VPS45: variants seen among roughly 807,000 people sequenced by gnomAD.
The protein encoded by VPS45 is vacuolar protein sorting-associated protein 45.
In VPS45, 35 loss-of-function variants were observed where a neutral mutation model predicts 75.9. That is an observed-to-expected ratio of 0.46 (90% CI 0.35 to 0.61). The LOEUF (loss-of-function observed/expected upper bound fraction) is 0.61, where lower values mean the gene tolerates loss of function less well. Ranked by LOEUF, VPS45 falls within the 20% of genes least tolerant of loss-of-function variation. The pLI is 0.00. For missense variants in VPS45, 559 were observed against 685.9 expected, an observed-to-expected ratio of 0.81 and a Z score of 2.07; for synonymous variants, 220 against 238.2, an observed-to-expected ratio of 0.92 and a Z score of 0.70.
chr1:150,081,257 G>A (rs1655684554), intron 7 of VPS45, 85 bp from the exon 8 acceptor site: 2 of 1,319,658 alleles, frequency 1.5e-6, no homozygotes, highest in Middle Eastern at 2.0e-4. Flanking sequence ...GTTAAAGAAT[G>A]TTATCAGTTT....
intron 14 of VPS45, among the ~76,000 whole-genome samples, chr1:150,137,913 T>C (rs1659194898): frequency 1.6e-4 from 1 of 6,162 alleles, no homozygotes; most frequent in African/African-American, 4.0e-4. Flanking sequence ...AGACTCCGTC[T>C]CCAAAAAAAA....
At chr1:150,126,284 C>A (rs1658514593) in intron 14 of VPS45, among the ~76,000 whole-genome samples, 1 of 151,974 alleles carries the variant, frequency 6.6e-6, no homozygotes, top group Admixed American at 6.6e-5. Flanking sequence ...CATCTCGGCT[C>A]ACTGCAAGCT....
At chr1:150,115,759 A>G (rs1012890746) in intron 14 of VPS45, among the ~76,000 whole-genome samples, 29 of 152,138 alleles carry the variant, frequency 1.9e-4, no homozygotes, top group African/African-American at 7.0e-4. Flanking sequence ...GTGCAGATAG[A>G]TTTTTTTAGT....
At position 150,113,560 on chromosome 1, in the gene VPS45, G is replaced by T. The variant is rs587634131; in HGVS notation, c.1625+2933G>T. Among the ~76,000 whole-genome samples, 101 of 152,192 alleles carry T rather than the reference G, an allele frequency of 6.6e-4. 5 individuals carry two copies. The South Asian group carries it at 0.021, about 31-fold the overall frequency. ...ATTCATTATTATGACTTCTGTCACC[G>T]TAGATTAGTTTTACCTGTTCTTAAA... is the stretch of plus-strand genomic sequence containing the variant. On this transcript the variant is annotated intron_variant, in intron 14 of 14. Coordinates refer to ENST00000644510, the MANE Select transcript of VPS45 (RefSeq NM_007259.5).
intron 2 of VPS45, among the ~76,000 whole-genome samples, chr1:150,070,074 C>T (rs1553796749): frequency 1.3e-5 from 2 of 152,162 alleles, no homozygotes; most frequent in African/African-American, 4.8e-5. Context: ...GCATAGTCTT[C>T]TTCCTCTGCC....
At chr1:150,084,851 T>C (rs1553800360) in intron 10 of VPS45, among the ~76,000 whole-genome samples, 2 of 152,150 alleles carry the variant, frequency 1.3e-5, no homozygotes, top group Non-Finnish European at 2.9e-5. Context: ...TTCAATGAGA[T>C]ATGTAAAATG....
At chr1:150,127,047 A>T (rs1345868992) in intron 14 of VPS45, among the ~76,000 whole-genome samples, 3 of 152,238 alleles carry the variant, frequency 2.0e-5, no homozygotes, top group African/African-American at 7.2e-5. Flanking sequence ...GGGCTATTAC[A>T]ATTCCTAAAG....
intron 13 of VPS45, among the ~76,000 whole-genome samples, chr1:150,103,942 C>T (rs181845085): frequency 1.3e-5 from 2 of 152,216 alleles, no homozygotes; most frequent in Admixed American, 6.5e-5. Flanking sequence ...AAATAATCTG[C>T]AATTCATTTA....
intron 2 of VPS45, among the ~76,000 whole-genome samples, chr1:150,070,012 A>G (rs10888570): frequency 0.015 from 2,354 of 151,978 alleles, 60 homozygotes; most frequent in African/African-American, 0.054. Context: ...TAATCACCCT[A>G]TGTATATCAA....
In VPS45 at chr1:150,102,547, C is replaced by CAAA. The variant is rs782571283; in HGVS notation, c.1494-7938_1494-7936dup. The stretch of plus-strand genomic sequence containing the variant: ...CTGGGCAATGAACGAAACTCTGTCT[C>CAAA]AAAAAAAAAAAAAGACACGTGCACA... On this transcript the variant is annotated intron_variant, in intron 13 of 14. Coordinates refer to ENST00000644510, the MANE Select transcript of VPS45 (RefSeq NM_007259.5). Among the ~76,000 whole-genome samples the CAAA allele has an allele frequency of 1.8e-3, 263 of 142,980 alleles. 3 individuals carry two copies. The highest frequency in any genetic ancestry group is 3.2e-3 in the African/African-American group (122 of 38,636). 93.8% of individuals were successfully genotyped at this position (142,980 alleles called of 152,430 possible).
intron 10 of VPS45, among the ~76,000 whole-genome samples, chr1:150,086,365 C>A (rs1656014620): frequency 6.6e-6 from 1 of 152,110 alleles, no homozygotes; most frequent in African/African-American, 2.4e-5. Flanking sequence ...GAAATATTAA[C>A]TACCAACATT....
At chr1:150,111,544 A>G (rs1559929042) in intron 14 of VPS45, among the ~76,000 whole-genome samples, 1 of 152,192 alleles carries the variant, frequency 6.6e-6, no homozygotes, top group Non-Finnish European at 1.5e-5. Context: ...TTAATTTGGC[A>G]GCTAAAGGTA....
chr1:150,119,581 C>T (rs1658122339), intron 14 of VPS45, among the ~76,000 whole-genome samples: 1 of 152,172 alleles, frequency 6.6e-6, no homozygotes, highest in Non-Finnish European at 1.5e-5. Flanking sequence ...CGATATTGCT[C>T]TCCTTTTACA....
chr1:150,121,017 G>A (rs764825456), intron 14 of VPS45, among the ~76,000 whole-genome samples: 1 of 151,826 alleles, frequency 6.6e-6, no homozygotes, highest in Non-Finnish European at 1.5e-5. Context: ...ACAGGTGCCC[G>A]CCACCGCGCC....
chr1:150,103,825 G>A (rs1447498310), intron 13 of VPS45, among the ~76,000 whole-genome samples: 1 of 152,144 alleles, frequency 6.6e-6, no homozygotes, highest in Non-Finnish European at 1.5e-5. Context: ...TGACTTATCA[G>A]ATCAGAAGCT....
Position 150,067,937 on chromosome 1 carries a change from T to C in VPS45, c.80T>C (p.Met27Thr), listed in dbSNP as rs368469891. ...GGGCCTGGTATGAAAGTACTTCTCATGGATAAAGAGACGGTGAGTTTGCTT... is the reference window on the plus strand; with the variant it reads ...GGGCCTGGTATGAAAGTACTTCTCACGGATAAAGAGACGGTGAGTTTGCTT... ...DSGPGMKVLL[M>T]DKETTGIVSM... Residue 27 changes from methionine to threonine, a missense_variant, in exon 1 of 15, where the codon ATG (methionine) becomes ACG (threonine). Transcript: ENST00000644510. 2 of 1,614,072 alleles carry C rather than the reference T, an allele frequency of 1.2e-6. No individual in the cohort carries two copies. The highest frequency in any genetic ancestry group is 1.3e-5 in the African/African-American group (1 of 74,932).
chr1:150,069,692 A>G (rs587685260), intron 2 of VPS45, among the ~76,000 whole-genome samples: 4 of 152,076 alleles, frequency 2.6e-5, no homozygotes, highest in African/African-American at 9.6e-5. Context: ...TCCTGACCTC[A>G]TGATCCGCCC....
rs1553797199 is a variant in VPS45 at position 150,072,192 on chromosome 1, G to T, written c.255G>T (p.Glu85Asp). The T allele has an allele frequency of 1.2e-6, 2 of 1,607,526 alleles. No individual in the cohort carries two copies. Among genetic ancestry groups the T allele is most frequent in the South Asian group, 1.1e-5 (1 of 90,136 alleles). ...TKENVDYIIQ[E>D]LRRPKYTIYF... ...AGAATGTGGATTATATTATTCAGGA[G>T]CTCCGAAGACCCAAATACACTATAT... Residue 85 changes from glutamate to aspartate, a missense_variant, in exon 3 of 15, where the codon GAG (glutamate) becomes GAT (aspartate). By Grantham distance (45) the Glu-to-Asp change is conservative. Transcript: ENST00000644510.
At chr1:150,122,714 A>G (rs1458865413) in intron 14 of VPS45, among the ~76,000 whole-genome samples, 1 of 151,898 alleles carries the variant, frequency 6.6e-6, no homozygotes, top group Non-Finnish European at 1.5e-5. Flanking sequence ...GAACATTTTC[A>G]TTGGCTGGGC....
Sources: allele counts gnomAD v4.1 joint callset (sites outside exome capture counted in the v4.1 genomes callset), GRCh38; gene constraint gnomAD v4.1.1; transcripts MANE v1.5; gene names NCBI Gene and HGNC (gene_info 2026-07-23, HGNC 2026-07-21).